EXOC2: variants seen among roughly 807,000 people sequenced by gnomAD.
The protein encoded by EXOC2 is SEC5-like 1.
In EXOC2, 70 loss-of-function variants were observed where a neutral mutation model predicts 131.8. The ratio of observed to expected loss-of-function variants is 0.53; its 90% confidence interval spans 0.44 to 0.65. The LOEUF is 0.65. Ranked by LOEUF, EXOC2 falls within the 30% of genes least tolerant of loss-of-function variation. The pLI is 0.00. For missense variants in EXOC2, 923 were observed against 1,108.6 expected, an observed-to-expected ratio of 0.83 and a Z score of 2.38; for synonymous variants, 411 against 398.4, an observed-to-expected ratio of 1.03 and a Z score of -0.38.
intron 21 of EXOC2, 139 bp downstream of exon 21, chr6:553,715 C>T (rs1020545931): frequency 6.2e-6 from 4 of 648,372 alleles, no homozygotes; most frequent in Non-Finnish European, 1.1e-5. Context: ...GAAAATTTCA[C>T]ATAATAGAGC....
chr6:497,530 T>C (rs1169395681), intron 24 of EXOC2, 41 bp from the exon 25 acceptor site: 13 of 1,569,540 alleles, frequency 8.3e-6, no homozygotes, highest in Admixed American at 3.9e-5. Flanking sequence ...GTGGGGCTTT[T>C]TGACTTGAAT....
In EXOC2 at chr6:637,688, C is replaced by T. The variant is rs773677195; in HGVS notation, c.118+13G>A. The T allele has an allele frequency of 3.7e-6, 6 of 1,602,564 alleles. No homozygotes were observed. In the Admixed American group the frequency reaches 1.0e-4, roughly 28 times the overall value. ...CCGATTAGCAGGGTGCGTCGCAGGG[C>T]CTCTGCCCTTACCTATGAGGTCGGT... On this transcript the variant is annotated intron_variant, in intron 2 of 27. Transcript: ENST00000230449.
At chr6:647,304 G>A (rs1005649892) in intron 1 of EXOC2, among the ~76,000 whole-genome samples, 16 of 151,800 alleles carry the variant, frequency 1.1e-4, no homozygotes, top group Admixed American at 3.3e-4. Context: ...AATAATTACC[G>A]TTGACATTAA....
At chr6:553,957 A>T in intron 20 of EXOC2, 37 bp from the exon 21 acceptor site, 1 of 1,543,972 alleles carries the variant, frequency 6.5e-7, no homozygotes, top group South Asian at 1.1e-5. Flanking sequence ...TTACAAATAA[A>T]GCACTCAAAT....
chr6:631,280 C>T (rs1164084593), intron 3 of EXOC2, among the ~76,000 whole-genome samples: 6 of 152,342 alleles, frequency 3.9e-5, no homozygotes, highest in African/African-American at 1.4e-4. Flanking sequence ...TAGCTCACAC[C>T]TGTAATCCCA....
Position 556,584 on chromosome 6 carries a change from T to C in EXOC2, c.1852-20A>G, listed in dbSNP as rs753676843. 3.0e-5 allele frequency: 48 copies of C among 1,613,586 alleles called. No homozygotes were observed. The highest frequency in any genetic ancestry group is 3.7e-5 in the Non-Finnish European group (44 of 1,179,812). ...ACATGGCTGAAGGGAAAACAGCATA[T>C]TGTAAAACTCAAAAATGAGCACTGG... On this transcript the variant is annotated intron_variant, in intron 17 of 27. Transcript: ENST00000230449.
chr6:631,993 G>A (rs1181561947), intron 3 of EXOC2, among the ~76,000 whole-genome samples: 4 of 152,128 alleles, frequency 2.6e-5, no homozygotes. Flanking sequence ...ATAAAGAGAA[G>A]TACTGGCTGG....
intron 2 of EXOC2, among the ~76,000 whole-genome samples, chr6:635,886 C>G (rs574560558): frequency 1.1e-4 from 17 of 152,298 alleles, no homozygotes; most frequent in African/African-American, 3.8e-4. Flanking sequence ...TATGGTAAAA[C>G]CCCATCTCTA....
intron 6 of EXOC2, among the ~76,000 whole-genome samples, chr6:617,423 T>C (rs1468180814): frequency 6.6e-6 from 1 of 152,272 alleles, no homozygotes; most frequent in Non-Finnish European, 1.5e-5. Context: ...TGGTTGTGCA[T>C]TGGGATTTAA....
At chr6:501,887 GGA>G (rs1319157574) in intron 23 of EXOC2, among the ~76,000 whole-genome samples, 2 of 151,646 alleles carry the variant, frequency 1.3e-5, no homozygotes, top group African/African-American at 4.9e-5. Context: ...CTAGGAGGCA[GGA>G]GAGAAGAACA....
intron 1 of EXOC2, among the ~76,000 whole-genome samples, chr6:675,894 G>A (rs377053586): frequency 1.4e-5 from 1 of 73,868 alleles, no homozygotes; most frequent in Admixed American, 1.8e-4. Context: ...TCAACATTAC[G>A]GAAAGGACAG....
At chr6:565,225 G>A (rs184678646) in intron 13 of EXOC2, among the ~76,000 whole-genome samples, 78 of 152,232 alleles carry the variant, frequency 5.1e-4, no homozygotes, top group African/African-American at 1.9e-3. Flanking sequence ...TTTCACCAAC[G>A]ATGTCGTATG....
chr6:613,954 T>G (rs1355712927), intron 6 of EXOC2, among the ~76,000 whole-genome samples: 1 of 151,722 alleles, frequency 6.6e-6, no homozygotes, highest in Non-Finnish European at 1.5e-5. Flanking sequence ...ACAAGACACA[T>G]GCCAAAAGAA....
At chr6:621,815 T>G (rs1376784195) in intron 4 of EXOC2, among the ~76,000 whole-genome samples, 1 of 152,238 alleles carries the variant, frequency 6.6e-6, no homozygotes, top group African/African-American at 2.4e-5. Flanking sequence ...TTTAGAAGTT[T>G]ATTTTGGTTT....
intron 2 of EXOC2, among the ~76,000 whole-genome samples, chr6:636,713 G>A (rs1463989134): frequency 6.6e-6 from 1 of 152,144 alleles, no homozygotes; most frequent in Non-Finnish European, 1.5e-5. Context: ...AATGTAAATG[G>A]GAAGCCAGAA....
rs1390848974 is a variant in EXOC2, at chr6:501,058, A to ATATATATC, written c.2381-1366_2381-1359dup. 1.6e-3 allele frequency among the ~76,000 whole-genome samples: 220 copies of ATATATATC among 133,562 alleles called. 1 individual carries two copies. Among genetic ancestry groups the ATATATATC allele is most frequent in the African/African-American group, 5.1e-3 (177 of 34,880 alleles). The allele number at this position is 133,562 out of a possible 152,430, so 87.6% of individuals were successfully genotyped here. A position where few individuals can be genotyped will look rare whatever the true frequency, so the allele number is the denominator to read the frequency against. Reference sequence around the variant, plus strand: ...TAGAGACATATAGATATACATATCTATATATATCTATATATCTATATATCT... The same window carrying ATATATATC: ...TAGAGACATATAGATATACATATCTATATATATCTATATATCTATATATCTATATATCT... On this transcript the variant is annotated intron_variant, in intron 23 of 27. Transcript: ENST00000230449.
At chr6:688,389 G>A (rs1330306874) in intron 1 of EXOC2, among the ~76,000 whole-genome samples, 2 of 152,166 alleles carry the variant, frequency 1.3e-5, no homozygotes, top group Admixed American at 1.3e-4. Flanking sequence ...AGGAGGCAGA[G>A]AGTTGAGACT....
At chr6:549,600 T>A (rs1307294174) in intron 21 of EXOC2, among the ~76,000 whole-genome samples, 2 of 152,236 alleles carry the variant, frequency 1.3e-5, no homozygotes, top group Non-Finnish European at 2.9e-5. Flanking sequence ...GGAACTGGGA[T>A]CAGTGTTGCT....
rs551297766 is a variant in EXOC2, at chr6:647,738, G to A, written c.-43-9877C>T. Among the ~76,000 whole-genome samples the A allele has an allele frequency of 8.8e-5, 13 of 147,754 alleles. No homozygotes were observed. The East Asian group carries it at 2.6e-3, about 30-fold the overall frequency. On this transcript the variant is annotated intron_variant, in intron 1 of 27. Transcript: ENST00000230449. ...ACGCAAAACTAAAAAACTAGGACAG[G>A]GCAATTCCAATTTACTCCCACTATT...
Sources: allele counts gnomAD v4.1 joint callset (sites outside exome capture counted in the v4.1 genomes callset), GRCh38; gene constraint gnomAD v4.1.1; transcripts MANE v1.5; gene names NCBI Gene and HGNC (gene_info 2026-07-23, HGNC 2026-07-21).